The following KAZN variants were observed in gnomAD, a reference collection of about 807,000 sequenced individuals.
KAZN encodes the protein kazrin, periplakin interacting protein, also known as kazrin.
In KAZN, 40 loss-of-function variants were observed where a neutral mutation model predicts 87.4. That is an observed-to-expected ratio of 0.46 (90% CI 0.36 to 0.60). The LOEUF (loss-of-function observed/expected upper bound fraction) is 0.60. KAZN is among the 20% of genes least tolerant of loss of function. The pLI is 0.00. For synonymous variants in KAZN, 466 were observed against 458.3 expected, an observed-to-expected ratio of 1.02 and a Z score of -0.22; for missense variants, 898 against 1,073.9, an observed-to-expected ratio of 0.84 and a Z score of 2.29.
chr1:15,023,888 G>A (rs1670926023), intron 2 of KAZN, among the ~76,000 whole-genome samples: 1 of 147,560 alleles, frequency 6.8e-6, no homozygotes. Flanking sequence ...TTAATTGGGG[G>A]TGGAGTATGA....
chr1:14,197,862 T>C (rs1646560726), intron 2 of KAZN, among the ~76,000 whole-genome samples: 1 of 151,976 alleles, frequency 6.6e-6, no homozygotes, highest in African/African-American at 2.4e-5. Flanking sequence ...CAAGTTGATA[T>C]GTGGAGTTGA....
At chr1:14,629,950 C>T (rs1017120593) in intron 1 of KAZN, among the ~76,000 whole-genome samples, 4 of 150,996 alleles carry the variant, frequency 2.6e-5, no homozygotes, top group Admixed American at 6.6e-5. Context: ...CCCCCTGCCA[C>T]GCCGCCCCCA....
At chr1:14,795,606 A>G (rs919581152) in intron 1 of KAZN, among the ~76,000 whole-genome samples, 4 of 152,126 alleles carry the variant, frequency 2.6e-5, no homozygotes, top group African/African-American at 9.7e-5. Flanking sequence ...AGAACCTGCA[A>G]AAGTAACCTA....
intron 2 of KAZN, among the ~76,000 whole-genome samples, chr1:14,299,457 C>T (rs1654371874): frequency 6.6e-6 from 1 of 151,044 alleles, no homozygotes; most frequent in Admixed American, 6.6e-5. Flanking sequence ...GAGCCGAGAT[C>T]ACACCACTGC....
At chr1:14,894,228 G>A (rs561202800) in intron 1 of KAZN, among the ~76,000 whole-genome samples, 15 of 152,024 alleles carry the variant, frequency 9.9e-5, no homozygotes, top group African/African-American at 3.1e-4. Flanking sequence ...AGTTTCTGCC[G>A]CAGCCTCGCC....
chr1:15,056,275 G>C lies in KAZN; in HGVS notation c.911G>C (p.Arg304Pro), dbSNP rs199776092. The C allele has an allele frequency of 1.9e-5, 30 of 1,603,114 alleles. No individual in the cohort carries two copies. Among genetic ancestry groups the C allele is most frequent in the Non-Finnish European group, 2.2e-5 (26 of 1,171,590 alleles). ...YHSHPPHPADRQAVRVSPCHS... is the reference protein window; with the variant it reads ...YHSHPPHPADPQAVRVSPCHS... ...TCACACCCCCCTCACCCTGCGGACCGGCAAGGTGAGTCCTGCCCTGGCCTG... is the reference window on the plus strand; with the variant it reads ...TCACACCCCCCTCACCCTGCGGACCCGCAAGGTGAGTCCTGCCCTGGCCTG... Residue 304 changes from arginine (R) to proline (P), a missense_variant, in exon 5 of 15, where the codon CGG becomes CCG. Transcript: ENST00000376030. The surrounding 1 kb of genome is among the most constrained non-coding windows in gnomAD (Gnocchi z 5.4).
intron 1 of KAZN, among the ~76,000 whole-genome samples, chr1:14,038,288 G>A (rs1285812417): frequency 6.6e-6 from 1 of 152,144 alleles, no homozygotes; most frequent in Non-Finnish European, 1.5e-5. Flanking sequence ...TTTTAAGTAG[G>A]GTGGTGAGGT....
chr1:14,721,788 C>T (rs780009724), intron 1 of KAZN, among the ~76,000 whole-genome samples: 1 of 152,184 alleles, frequency 6.6e-6, no homozygotes, highest in Non-Finnish European at 1.5e-5. Flanking sequence ...TGTCAATCAA[C>T]CCCTCAGCTC....
At chr1:15,015,717 A>G (rs1011560871) in intron 2 of KAZN, among the ~76,000 whole-genome samples, 2 of 152,008 alleles carry the variant, frequency 1.3e-5, no homozygotes, top group Non-Finnish European at 2.9e-5. Flanking sequence ...GTCCTTCTAT[A>G]TTTTAAGGGT....
intron 1 of KAZN, among the ~76,000 whole-genome samples, chr1:14,639,327 G>A (rs555056961): frequency 7.9e-4 from 120 of 152,280 alleles, no homozygotes; most frequent in African/African-American, 2.5e-3. Context: ...CTCTCCAAGC[G>A]GGAAACGAAT....
At chr1:14,466,213 T>C (rs1297712714) in intron 2 of KAZN, among the ~76,000 whole-genome samples, 1 of 152,178 alleles carries the variant, frequency 6.6e-6, no homozygotes, top group Non-Finnish European at 1.5e-5. Context: ...GACAGGTTTG[T>C]AGAAGAGAGA....
chr1:15,064,641 A>G (rs998469221), intron 7 of KAZN, among the ~76,000 whole-genome samples: 15 of 152,226 alleles, frequency 9.9e-5, no homozygotes, highest in Non-Finnish European at 8.8e-5. Flanking sequence ...AGGTAGAGTC[A>G]TGATCAGAAA....
At chr1:14,173,650 A>G (rs1254960292) in intron 1 of KAZN, among the ~76,000 whole-genome samples, 1 of 148,976 alleles carries the variant, frequency 6.7e-6, no homozygotes, top group Non-Finnish European at 1.5e-5. Context: ...TGGGCTTTGT[A>G]GTTCCCCTCC....
chr1:14,508,600 G>C (rs928975317), intron 2 of KAZN, among the ~76,000 whole-genome samples: 1 of 152,148 alleles, frequency 6.6e-6, no homozygotes. Context: ...CAATAGAGGC[G>C]CTCTCCACTA....
intron 1 of KAZN, among the ~76,000 whole-genome samples, chr1:14,839,291 G>A (rs904576981): frequency 2.0e-5 from 3 of 152,142 alleles, no homozygotes; most frequent in Non-Finnish European, 4.4e-5. Context: ...CTCTAGACAA[G>A]TCCCCCTACC....
rs145650108 is a variant in KAZN at position 14,439,822 on chromosome 1, G to A, written c.250-159161G>A. Among the ~76,000 whole-genome samples, 339 of 152,108 alleles carry A rather than the reference G, an allele frequency of 2.2e-3. 1 individual carries two copies. Among genetic ancestry groups the A allele is most frequent in the African/African-American group, 7.8e-3 (323 of 41,478 alleles). The stretch of plus-strand genomic sequence containing the variant: ...CTTATAGTTACCCCACATCACCAAC[G>A]CTGACCTCTCACTGTTTGTTCCTCA... On this transcript the variant is annotated intron_variant, in intron 2 of 16. Transcript: ENST00000636203.
chr1:14,342,843 A>C (rs1366099108), intron 2 of KAZN, among the ~76,000 whole-genome samples: 1 of 152,190 alleles, frequency 6.6e-6, no homozygotes, highest in Non-Finnish European at 1.5e-5. Flanking sequence ...TGTGTCCATT[A>C]AACTCTTGTA....
At chr1:14,361,273 C>T (rs114695655) in intron 2 of KAZN, among the ~76,000 whole-genome samples, 2 of 152,186 alleles carry the variant, frequency 1.3e-5, no homozygotes, top group African/African-American at 2.4e-5. Context: ...TAATGGCAGA[C>T]GCCTCTCCCC....
chr1:14,797,854 T>A (rs72868493), intron 1 of KAZN, among the ~76,000 whole-genome samples: 9,773 of 152,112 alleles, frequency 0.064, 734 homozygotes, highest in East Asian at 0.42. Flanking sequence ...CCTTGTGGAG[T>A]GCTTAGTGCA....
Sources: gnomAD v4.1 joint callset for allele counts (sites outside exome capture counted in the v4.1 genomes callset) on GRCh38, gnomAD v4.1.1 for gene constraint, Gnocchi (gnomAD v3.1) non-coding constraint, MANE v1.5 for transcripts, NCBI Gene and HGNC (gene_info 2026-07-23, HGNC 2026-07-21) for gene names.